The following CCSER1 variants were observed in gnomAD, a reference collection of about 807,000 sequenced individuals.
CCSER1 encodes the protein serine-rich coiled-coil domain-containing protein 1.
In CCSER1, 41 loss-of-function variants were observed where a neutral mutation model predicts 82.0. The ratio of observed to expected loss-of-function variants is 0.50; its 90% CI spans 0.39 to 0.65. The LOEUF (loss-of-function observed/expected upper bound fraction) is 0.65. Among genes scored for constraint, CCSER1 ranks in the 30% least tolerant of loss-of-function variants. The probability of loss-of-function intolerance (pLI) is 0.00; values close to 1 mark genes in which losing one functional copy is unlikely to be tolerated. For missense variants in CCSER1, 1,119 were observed against 1,064.2 expected, an observed-to-expected ratio of 1.05 and a Z score of -0.72; for synonymous variants, 414 against 383.9, an observed-to-expected ratio of 1.08 and a Z score of -0.92.
At chr4:91,026,204 C>T (rs1287563960) in intron 9 of CCSER1, among the ~76,000 whole-genome samples, 2 of 152,084 alleles carry the variant, frequency 1.3e-5, no homozygotes, top group Non-Finnish European at 2.9e-5. Context: ...TTATGCTTTA[C>T]ACTGCAGACA....
intron 10 of CCSER1, among the ~76,000 whole-genome samples, chr4:91,505,946 C>T (rs1578645725): frequency 6.6e-6 from 1 of 152,172 alleles, no homozygotes; most frequent in African/African-American, 2.4e-5. Context: ...TAATTAGATC[C>T]CATTTGTCAA....
At chr4:90,163,004 AT>A (rs1729749152) in intron 1 of CCSER1, among the ~76,000 whole-genome samples, 1 of 152,058 alleles carries the variant, frequency 6.6e-6, no homozygotes, top group Non-Finnish European at 1.5e-5. Context: ...CTCCAAGATT[AT>A]TTTTATTCCT....
chr4:91,521,501 G>A (rs540408059), intron 10 of CCSER1, among the ~76,000 whole-genome samples: 27 of 152,168 alleles, frequency 1.8e-4, no homozygotes, highest in Non-Finnish European at 2.4e-4. Flanking sequence ...CACCAACAGC[G>A]TAAAAGTGTT....
intron 4 of CCSER1, among the ~76,000 whole-genome samples, chr4:90,445,189 A>G (rs1032495326): frequency 6.6e-6 from 1 of 152,098 alleles, no homozygotes; most frequent in Non-Finnish European, 1.5e-5. Context: ...ATTGCATGCC[A>G]CACCTCATGA....
intron 6 of CCSER1, among the ~76,000 whole-genome samples, chr4:90,693,873 AAG>A (rs904851151): frequency 6.6e-6 from 1 of 151,738 alleles, no homozygotes; most frequent in Non-Finnish European, 1.5e-5. Flanking sequence ...GAAAAGAAGA[AAG>A]AGAGAAAGAA....
chr4:91,417,990 A>G lies in CCSER1; in HGVS notation c.2218-180582A>G, dbSNP rs1358014730. 2.6e-5 allele frequency among the ~76,000 whole-genome samples: 4 copies of G among 152,162 alleles called. No individual in the cohort carries two copies. The South Asian group carries it at 6.2e-4, about 24-fold the overall frequency. ...ACTGTTATAAAATTAAAAATCAACAACAGGAAGAAAAATCGAAAATTGGTA... is the reference window on the plus strand; with the variant it reads ...ACTGTTATAAAATTAAAAATCAACAGCAGGAAGAAAAATCGAAAATTGGTA... On this transcript the variant is annotated intron_variant, in intron 10 of 10. Transcript: ENST00000509176.
chr4:90,602,533 G>A (rs1445226903), intron 5 of CCSER1, among the ~76,000 whole-genome samples: 1 of 152,076 alleles, frequency 6.6e-6, no homozygotes, highest in Non-Finnish European at 1.5e-5. Flanking sequence ...TAATTTTAAT[G>A]TGTGCATGGT....
At chr4:90,643,385 G>A (rs538112494) in intron 6 of CCSER1, among the ~76,000 whole-genome samples, 8 of 152,308 alleles carry the variant, frequency 5.3e-5, no homozygotes, top group African/African-American at 1.9e-4. Context: ...AGAGAGAGGA[G>A]ATTAAACTGT....
At chr4:90,683,909 A>G (rs1326504190) in intron 6 of CCSER1, among the ~76,000 whole-genome samples, 2 of 152,150 alleles carry the variant, frequency 1.3e-5, no homozygotes, top group African/African-American at 2.4e-5. Flanking sequence ...CAAAATAATT[A>G]TCTTTTTTTT....
chr4:90,757,360 C>T (rs555053661), intron 7 of CCSER1, among the ~76,000 whole-genome samples: 3 of 152,126 alleles, frequency 2.0e-5, no homozygotes, highest in African/African-American at 4.8e-5. Context: ...ATGGAACTCC[C>T]GTATCATTCA....
intron 9 of CCSER1, among the ~76,000 whole-genome samples, chr4:90,995,875 T>C (rs1737449577): frequency 1.3e-5 from 2 of 152,094 alleles, no homozygotes; most frequent in Non-Finnish European, 2.9e-5. Flanking sequence ...TCTTTTGTTA[T>C]TCTTATTTTT....
In CCSER1 at chr4:90,205,365, C is replaced by G. The variant is rs371580222; in HGVS notation, c.-42+77534C>G. 5.3e-5 allele frequency among the ~76,000 whole-genome samples: 8 copies of G among 152,224 alleles called. No individual in the cohort carries two copies. The South Asian group carries it at 1.7e-3, about 32-fold the overall frequency. ...AGCTCTTATTATTTTGAGATAGGTT[C>G]CCTCAATACCTAGTTTATTGAGAGT... On this transcript the variant is annotated intron_variant, in intron 1 of 10. Transcript: ENST00000509176.
chr4:90,994,069 T>C (rs74666614), intron 9 of CCSER1, among the ~76,000 whole-genome samples: 2,991 of 152,112 alleles, frequency 0.02, 109 homozygotes, highest in Admixed American at 0.095. Context: ...TGCACTGGCA[T>C]GCTCACGTAG....
At chr4:90,939,881 T>A (rs904832849) in intron 9 of CCSER1, among the ~76,000 whole-genome samples, 1 of 152,148 alleles carries the variant, frequency 6.6e-6, no homozygotes, top group Non-Finnish European at 1.5e-5. Context: ...AAACATTTTT[T>A]GTTTTTCTAA....
chr4:91,579,882 C>T (rs954926734), intron 10 of CCSER1, among the ~76,000 whole-genome samples: 3 of 151,672 alleles, frequency 2.0e-5, no homozygotes, highest in African/African-American at 7.3e-5. Flanking sequence ...TAATAAATGG[C>T]AAGAATAAAT....
chr4:90,487,113 T>C (rs1167217863), intron 5 of CCSER1, among the ~76,000 whole-genome samples: 2 of 152,220 alleles, frequency 1.3e-5, no homozygotes, highest in East Asian at 1.9e-4. Flanking sequence ...GGTTTCACAA[T>C]GTTGGCCAGG....
chr4:91,599,865 T>G lies in CCSER1; in HGVS notation c.*808T>G, dbSNP rs1474059572. On this transcript the variant is annotated 3_prime_UTR_variant, in exon 11 of 11. Coordinates refer to ENST00000509176, the MANE Select transcript of CCSER1 (RefSeq NM_001145065.2). ...GCATAAATACTGACATGCTATATTC[T>G]TTGAGCCACTGTCATGGCAATATAA... 1 of 152,210 alleles carries G rather than the reference T, an allele frequency of 6.6e-6. No individual in the cohort carries two copies. Among genetic ancestry groups the G allele is most frequent in the Non-Finnish European group, 1.5e-5 (1 of 68,020 alleles). 9.4% of individuals were successfully genotyped at this position (152,210 alleles called of 1,614,324 possible).
chr4:90,591,254 C>T (rs1161739740), intron 5 of CCSER1, among the ~76,000 whole-genome samples: 4 of 152,164 alleles, frequency 2.6e-5, no homozygotes, highest in South Asian at 4.1e-4. Context: ...TTGACTTCCT[C>T]TCTTCCTATT....
intron 5 of CCSER1, among the ~76,000 whole-genome samples, chr4:90,503,676 C>A (rs905978265): frequency 2.0e-5 from 3 of 151,978 alleles, no homozygotes; most frequent in African/African-American, 7.3e-5. Context: ...GGTTTTTTCT[C>A]CTTGCGATAG....
Sources: gnomAD v4.1 joint callset for allele counts (sites outside exome capture counted in the v4.1 genomes callset) on GRCh38, gnomAD v4.1.1 for gene constraint, MANE v1.5 for transcripts, NCBI Gene and HGNC (gene_info 2026-07-23, HGNC 2026-07-21) for gene names.